PPP4R2: variants seen among roughly 807,000 people sequenced by gnomAD.
PPP4R2 encodes serine/threonine-protein phosphatase 4 regulatory subunit 2.
Under a neutral mutation model 47.2 loss-of-function variants are expected in PPP4R2, and 13 were observed. The ratio of observed to expected loss-of-function variants is 0.28; its 90% CI spans 0.18 to 0.44. The LOEUF (loss-of-function observed/expected upper bound fraction) is 0.44, where lower values mean the gene tolerates loss of function less well. Ranked by LOEUF, PPP4R2 falls within the 20% of genes least tolerant of loss-of-function variation. PPP4R2 has a pLI of 1.00. For synonymous variants in PPP4R2, 151 were observed against 163.3 expected, an observed-to-expected ratio of 0.92 and a Z score of 0.57; for missense variants, 421 against 491.2, an observed-to-expected ratio of 0.86 and a Z score of 1.35.
intron 2 of PPP4R2, among the ~76,000 whole-genome samples, chr3:73,012,804 AT>A (rs1193919981): frequency 6.6e-6 from 1 of 151,298 alleles, no homozygotes; most frequent in Admixed American, 6.6e-5. Flanking sequence ...TTTCAAAGAG[AT>A]TTGTTAACTG....
At position 73,067,064 on chromosome 3, in the gene PPP4R2, T is replaced by C. The variant is rs1305560212; in HGVS notation, c.*1342T>C. On this transcript the variant is annotated 3_prime_UTR_variant, in exon 9 of 9. Transcript: ENST00000356692. ...AGTTTTTAAATTTCTGTAAAGTAGA[T>C]TTTGTAGAATGTAATGTGTTCACTG... The C allele has an allele frequency of 1.3e-5, 2 of 152,146 alleles. No homozygotes were observed. The highest frequency in any genetic ancestry group is 4.8e-5 in the African/African-American group (2 of 41,456). The allele number at this position is 152,146 out of a possible 1,614,324, so 9.4% of individuals were successfully genotyped here. A position where few individuals can be genotyped will look rare whatever the true frequency, so the allele number is the denominator to read the frequency against.
chr3:72,997,129 C>T, intron 1 of PPP4R2, 58 bp downstream of exon 1: 5 of 1,262,758 alleles, frequency 4.0e-6, no homozygotes, highest in South Asian at 4.9e-5. Context: ...GCTCTTCTCT[C>T]CTTTCAGGGC....
chr3:73,049,528 T>C (rs1702566914), intron 3 of PPP4R2, among the ~76,000 whole-genome samples: 1 of 152,072 alleles, frequency 6.6e-6, no homozygotes, highest in South Asian at 2.1e-4. Context: ...CTCGGGGTTA[T>C]TTATAAATTG....
At chr3:72,997,136 G>A (rs1701363410) in intron 1 of PPP4R2, 65 bp downstream of exon 1, 7 of 1,247,038 alleles carry the variant, frequency 5.6e-6, no homozygotes, top group Admixed American at 3.8e-5. Context: ...TCTCCTTTCA[G>A]GGCGGATGGT....
rs144239733 is a variant in PPP4R2 at position 73,022,400 on chromosome 3, T to C, written c.116+24242T>C. Among the ~76,000 whole-genome samples the C allele has an allele frequency of 5.3e-3, 813 of 152,316 alleles. 10 individuals are homozygous for C. The highest frequency in any genetic ancestry group is 0.019 in the African/African-American group (774 of 41,564). On this transcript the variant is annotated intron_variant, in intron 2 of 8. Coordinates refer to ENST00000356692, the MANE Select transcript of PPP4R2 (RefSeq NM_174907.4). ...TATATAGAAGGTCAACAAACAATTA[T>C]TACTTTTGTTATGCATTGAAAAGTT... is the stretch of plus-strand genomic sequence containing the variant.
In PPP4R2 at chr3:73,067,799, C is replaced by G. The variant is rs753430968; in HGVS notation, c.*2077C>G. ...GTCTGTGGTTTTATTTGTAAACTTG[C>G]AATTGCTATATTTGCAAGGGCAAAT... On this transcript the variant is annotated 3_prime_UTR_variant, in exon 9 of 9. Transcript: ENST00000356692. 6 of 152,120 alleles carry G rather than the reference C, an allele frequency of 3.9e-5. No homozygotes were observed. Among genetic ancestry groups the G allele is most frequent in the South Asian group, 2.1e-4 (1 of 4,828 alleles). 9.4% of individuals were successfully genotyped at this position (152,120 alleles called of 1,614,324 possible). A position where few individuals can be genotyped will look rare whatever the true frequency, so the allele number is the denominator to read the frequency against.
At chr3:73,011,708 T>C (rs1701728450) in intron 2 of PPP4R2, among the ~76,000 whole-genome samples, 2 of 152,178 alleles carry the variant, frequency 1.3e-5, no homozygotes, top group African/African-American at 4.8e-5. Context: ...GGAAAAAAAC[T>C]TTTAAGTAAT....
At chr3:73,017,919 G>T (rs1459911711) in intron 2 of PPP4R2, among the ~76,000 whole-genome samples, 1 of 151,958 alleles carries the variant, frequency 6.6e-6, no homozygotes, top group Non-Finnish European at 1.5e-5. Flanking sequence ...GTAGAGACAG[G>T]GTTTCACCAT....
At chr3:73,007,583 G>A (rs1042644469) in intron 2 of PPP4R2, among the ~76,000 whole-genome samples, 1 of 149,960 alleles carries the variant, frequency 6.7e-6, no homozygotes, top group Middle Eastern at 3.4e-3. Flanking sequence ...CAAGCTCCCA[G>A]GTTCAAGCGA....
intron 3 of PPP4R2, among the ~76,000 whole-genome samples, chr3:73,056,925 G>A (rs1702741807): frequency 1.3e-5 from 2 of 152,154 alleles, no homozygotes; most frequent in Non-Finnish European, 2.9e-5. Context: ...AAAGCATAAT[G>A]ACTAGACAGT....
At chr3:73,043,746 C>G (rs1702427157) in intron 2 of PPP4R2, among the ~76,000 whole-genome samples, 1 of 152,052 alleles carries the variant, frequency 6.6e-6, no homozygotes, top group Admixed American at 6.6e-5. Context: ...TGGGGAAATA[C>G]CTATTGAAAT....
intron 2 of PPP4R2, among the ~76,000 whole-genome samples, chr3:73,021,314 G>T (rs572130117): frequency 6.6e-6 from 1 of 150,948 alleles, no homozygotes; most frequent in Non-Finnish European, 1.5e-5. Context: ...ACTCACTGTA[G>T]CCTCAATCTC....
intron 2 of PPP4R2, among the ~76,000 whole-genome samples, chr3:73,037,866 T>C (rs1702297328): frequency 6.6e-6 from 1 of 152,214 alleles, no homozygotes; most frequent in African/African-American, 2.4e-5. Flanking sequence ...ATTTAATATC[T>C]GTAAGTCTGG....
chr3:73,055,793 C>T (rs1306645004), intron 3 of PPP4R2, among the ~76,000 whole-genome samples: 1 of 151,864 alleles, frequency 6.6e-6, no homozygotes, highest in Admixed American at 6.6e-5. Flanking sequence ...CTCAGCCTCC[C>T]GAGTAGCTAG....
intron 3 of PPP4R2, among the ~76,000 whole-genome samples, chr3:73,052,072 TAAAC>T (rs1372888422): frequency 6.6e-6 from 1 of 152,122 alleles, no homozygotes; most frequent in African/African-American, 2.4e-5. Context: ...AGTAGGTTCT[TAAAC>T]AGACAAGTAT....
At chr3:73,062,983 G>C (rs1000279281) in intron 5 of PPP4R2, 10 of 1,182,152 alleles carry the variant, frequency 8.5e-6, no homozygotes, top group Middle Eastern at 2.0e-4. Flanking sequence ...ATTGCTCTAC[G>C]GGCCATTGTG....
Position 73,014,045 on chromosome 3 carries a change from T to C in PPP4R2, c.116+15887T>C, listed in dbSNP as rs1701776743. 5.4e-5 allele frequency among the ~76,000 whole-genome samples: 7 copies of C among 130,538 alleles called. 2 individuals carry two copies. In the South Asian group the frequency reaches 1.7e-3, roughly 31 times the overall value. The allele number at this position is 130,538 out of a possible 152,430, so 85.6% of individuals were successfully genotyped here. A position where few individuals can be genotyped will look rare whatever the true frequency, so the allele number is the denominator to read the frequency against. On this transcript the variant is annotated intron_variant, in intron 2 of 8. Coordinates refer to ENST00000356692, the MANE Select transcript of PPP4R2 (RefSeq NM_174907.4). ...TGTTCTTTATTTAACCTGTCTTCTTTGATGGTTTTTTGGGCAGTTTACAGT... is the reference window on the plus strand; with the variant it reads ...TGTTCTTTATTTAACCTGTCTTCTTCGATGGTTTTTTGGGCAGTTTACAGT...
At chr3:73,000,337 C>CA (rs1450055599) in intron 2 of PPP4R2, among the ~76,000 whole-genome samples, 4 of 150,330 alleles carry the variant, frequency 2.7e-5, no homozygotes, top group African/African-American at 4.9e-5. Context: ...GACTCTGTCT[C>CA]AAAAAAAAAT....
At chr3:73,019,008 A>G (rs1456868184) in intron 2 of PPP4R2, among the ~76,000 whole-genome samples, 1 of 132,870 alleles carries the variant, frequency 7.5e-6, no homozygotes, top group Non-Finnish European at 1.8e-5. Context: ...GAGCTGGGTT[A>G]GATAAATGAA....
Sources: allele counts gnomAD v4.1 joint callset (sites outside exome capture counted in the v4.1 genomes callset), GRCh38; gene constraint gnomAD v4.1.1; transcripts MANE v1.5; gene names NCBI Gene and HGNC (gene_info 2026-07-23, HGNC 2026-07-21).